The following CC2D2B variants were observed in gnomAD, a reference collection of about 807,000 sequenced individuals.
CC2D2B encodes protein CC2D2B.
CC2D2B carries 128 observed loss-of-function variants against 161.2 expected under a neutral mutation model. The ratio of observed to expected loss-of-function variants is 0.79; its 90% CI spans 0.69 to 0.92. CC2D2B has a LOEUF of 0.92. Ranked by LOEUF, CC2D2B falls within the 40% of genes least tolerant of loss-of-function variation. CC2D2B has a pLI of 0.00. For missense variants in CC2D2B, 1,173 were observed against 1,375.1 expected, an observed-to-expected ratio of 0.85 and a Z score of 2.32; for synonymous variants, 391 against 449.8, an observed-to-expected ratio of 0.87 and a Z score of 1.65.
At chr10:95,933,497 G>A (rs1460094651) in intron 6 of CC2D2B, among the ~76,000 whole-genome samples, 3 of 152,130 alleles carry the variant, frequency 2.0e-5, no homozygotes, top group African/African-American at 7.2e-5. Flanking sequence ...TTTTTCTGCT[G>A]TTTTTTCCTC....
At chr10:96,018,482 C>T (rs2079302171) in intron 30 of CC2D2B, among the ~76,000 whole-genome samples, 1 of 152,298 alleles carries the variant, frequency 6.6e-6, no homozygotes, top group South Asian at 2.1e-4. Context: ...TATATTCTAA[C>T]CAAAGCAGGG....
intron 34 of CC2D2B, among the ~76,000 whole-genome samples, chr10:96,029,393 TGAA>T (rs770484278): frequency 1.3e-4 from 19 of 150,918 alleles, no homozygotes; most frequent in Non-Finnish European, 2.2e-4. Context: ...TCAAATGTGT[TGAA>T]GAATTATTAC....
At chr10:95,945,640 G>A (rs2076169762) in intron 9 of CC2D2B, among the ~76,000 whole-genome samples, 1 of 151,912 alleles carries the variant, frequency 6.6e-6, no homozygotes, top group South Asian at 2.1e-4. Flanking sequence ...ATTCATTGTT[G>A]CCCAAATCTT....
chr10:96,024,286 T>G (rs1260113390), intron 32 of CC2D2B, among the ~76,000 whole-genome samples: 1 of 152,172 alleles, frequency 6.6e-6, no homozygotes, highest in Non-Finnish European at 1.5e-5. Flanking sequence ...TGCACATGTG[T>G]GCATACATAC....
Position 96,025,178 on chromosome 10 carries a change from TATATATA to T in CC2D2B, c.3947+269_3947+275del, listed in dbSNP as rs1182582234. ...AAATATATATATATATATATATATA[TATATATA>T]AAAAAAAATATATATATATATATAT... On this transcript the variant is annotated intron_variant, in intron 33 of 34. Transcript: ENST00000646931. 2.1e-3 allele frequency among the ~76,000 whole-genome samples: 22 copies of T among 10,644 alleles called. 1 individual carries two copies. The highest frequency in any genetic ancestry group is 8.4e-3 in the Admixed American group (6 of 712). The allele number at this position is 10,644 out of a possible 152,430, so 7.0% of individuals were successfully genotyped here. A position where few individuals can be genotyped will look rare whatever the true frequency, so the allele number is the denominator to read the frequency against.
intron 30 of CC2D2B, among the ~76,000 whole-genome samples, chr10:96,018,196 AAT>A (rs2079289592): frequency 6.6e-6 from 1 of 152,238 alleles, no homozygotes; most frequent in Non-Finnish European, 1.5e-5. Flanking sequence ...CAATAAATTA[AAT>A]AGTCTCATTA....
At chr10:95,921,158 T>C (rs2098526375) in intron 2 of CC2D2B, 1 of 152,428 alleles carries the variant, frequency 6.6e-6, no homozygotes, top group Admixed American at 6.5e-5. Context: ...CTTTAGCCAA[T>C]GGTGGTGGGG....
intron 2 of CC2D2B, among the ~76,000 whole-genome samples, chr10:95,911,567 GTATT>G (rs978838887): frequency 1.3e-5 from 2 of 152,104 alleles, no homozygotes; most frequent in African/African-American, 4.8e-5. Context: ...ATTTATGTAT[GTATT>G]TATTTAATCT....
intron 32 of CC2D2B, chr10:96,022,674 T>G (rs147384016): frequency 5.1e-4 from 77 of 152,362 alleles, no homozygotes; most frequent in African/African-American, 1.8e-3. Context: ...TGATATTTAT[T>G]GATTTCCCAC....
chr10:95,941,807 A>G (rs1386900454), intron 9 of CC2D2B, among the ~76,000 whole-genome samples: 3 of 152,176 alleles, frequency 2.0e-5, no homozygotes, highest in Non-Finnish European at 4.4e-5. Context: ...AATTTAAAAT[A>G]GAACCGTAAT....
chr10:96,000,645 T>A, intron 24 of CC2D2B: 1 of 152,560 alleles, frequency 6.6e-6, no homozygotes, highest in Non-Finnish European at 1.5e-5. Flanking sequence ...ATTACAGGTG[T>A]GAGCCACCGT....
intron 24 of CC2D2B, among the ~76,000 whole-genome samples, chr10:95,996,999 T>C (rs1360007803): frequency 3.3e-5 from 5 of 152,170 alleles, no homozygotes; most frequent in Admixed American, 6.5e-5. Context: ...CCCTTCCACC[T>C]TCCACTATGT....
chr10:95,998,388 C>A (rs991651754), intron 24 of CC2D2B, among the ~76,000 whole-genome samples: 2 of 152,130 alleles, frequency 1.3e-5, no homozygotes, highest in South Asian at 2.1e-4. Context: ...AATGGTTACA[C>A]TCCCCTAAAC....
At chr10:95,992,815 T>C in intron 22 of CC2D2B, 118 bp downstream of exon 22, 1 of 632,066 alleles carries the variant, frequency 1.6e-6, no homozygotes, top group Non-Finnish European at 2.3e-6. Flanking sequence ...ATACATAAAA[T>C]GAATGAAAAT....
chr10:95,973,591 G>A (rs1269028031), intron 16 of CC2D2B, among the ~76,000 whole-genome samples: 1 of 152,120 alleles, frequency 6.6e-6, no homozygotes, highest in African/African-American at 2.4e-5. Flanking sequence ...GGGCGTGGTG[G>A]CTCACACCTG....
At chr10:96,024,943 T>C in intron 33 of CC2D2B, 32 bp downstream of exon 33, 3 of 1,344,344 alleles carry the variant, frequency 2.2e-6, no homozygotes, top group Non-Finnish European at 3.1e-6. Context: ...TCTTGTTGGG[T>C]TACCTTTCAG....
At chr10:95,913,336 A>T (rs2098510005) in intron 2 of CC2D2B, 1 of 354,382 alleles carries the variant, frequency 2.8e-6, no homozygotes, top group South Asian at 2.3e-5. Flanking sequence ...GCATATATAT[A>T]TATACCACAT....
intron 24 of CC2D2B, among the ~76,000 whole-genome samples, chr10:96,001,238 C>G (rs557331000): frequency 6.6e-6 from 1 of 152,196 alleles, no homozygotes; most frequent in Admixed American, 6.5e-5. Context: ...GTATGTGTAG[C>G]TATTAAACAT....
chr10:95,927,767 T>C (rs2098542086), intron 6 of CC2D2B, among the ~76,000 whole-genome samples: 1 of 151,266 alleles, frequency 6.6e-6, no homozygotes, highest in South Asian at 2.1e-4. Flanking sequence ...CAATCTCCAC[T>C]ACTCCTCATG....
Sources: gnomAD v4.1 joint callset for allele counts (sites outside exome capture counted in the v4.1 genomes callset) on GRCh38, gnomAD v4.1.1 for gene constraint, MANE v1.5 for transcripts, NCBI Gene and HGNC (gene_info 2026-07-23, HGNC 2026-07-21) for gene names.